TFAP2C: variants seen among roughly 807,000 people sequenced by gnomAD.
TFAP2C encodes transcription factor AP-2 gamma.
A neutral mutation model predicts 42.9 loss-of-function variants in TFAP2C; 9 were observed. The observed-to-expected ratio is 0.21, with a 90% CI of 0.13 to 0.37. TFAP2C has a LOEUF of 0.37. TFAP2C is among the 10% of genes least tolerant of loss of function. The pLI is 1.00. For synonymous variants in TFAP2C, 264 were observed against 256.0 expected, an observed-to-expected ratio of 1.03 and a Z score of -0.30; for missense variants, 462 against 591.7, an observed-to-expected ratio of 0.78 and a Z score of 2.27.
At chr20:56,635,142 C>T (rs550945288) in intron 5 of TFAP2C, among the ~76,000 whole-genome samples, 11 of 152,212 alleles carry the variant, frequency 7.2e-5, no homozygotes, top group African/African-American at 2.6e-4. Flanking sequence ...TGGCAGAGTC[C>T]CTGCTTTACC....
chr20:56,629,611 G>A lies in TFAP2C; in HGVS notation c.48+19G>A, dbSNP rs753557164. The A allele has an allele frequency of 1.4e-6, 2 of 1,400,616 alleles. No individual in the cohort carries two copies. The highest frequency in any genetic ancestry group is 1.9e-5 in the South Asian group (1 of 53,834). The allele number at this position is 1,400,616 out of a possible 1,614,324, so 86.8% of individuals were successfully genotyped here. ...CTGCGAGGTGAGCTGGGGCTCCGGG[G>A]TGCAGCCCCGCCCCGCCGAGGACAG... On this transcript the variant is annotated intron_variant, in intron 1 of 6. Coordinates refer to ENST00000201031, the MANE Select transcript of TFAP2C (RefSeq NM_003222.4). The surrounding 1 kb of genome is among the most constrained non-coding windows in gnomAD (Gnocchi z 5.9).
At chr20:56,633,841 G>A (rs1048355355) in intron 4 of TFAP2C, among the ~76,000 whole-genome samples, 3 of 152,118 alleles carry the variant, frequency 2.0e-5, no homozygotes, top group African/African-American at 4.8e-5. Flanking sequence ...GAGCACCCTG[G>A]GTTTGTTCCC....
chr20:56,635,949 G>A (rs564685726), intron 5 of TFAP2C, among the ~76,000 whole-genome samples: 1 of 152,282 alleles, frequency 6.6e-6, no homozygotes, highest in Non-Finnish European at 1.5e-5. Flanking sequence ...AATGGCAAAA[G>A]TCTGTGTGTG....
At chr20:56,632,613 T>G (rs1987511969) in intron 3 of TFAP2C, among the ~76,000 whole-genome samples, 1 of 152,170 alleles carries the variant, frequency 6.6e-6, no homozygotes, top group Non-Finnish European at 1.5e-5. Flanking sequence ...CAGAAAAGAC[T>G]ACAAATTTTC....
At position 56,639,004 on chromosome 20, in the gene TFAP2C, A is replaced by G. The variant is rs150697977; in HGVS notation, c.*991A>G. 2 of 152,630 alleles carry G rather than the reference A, an allele frequency of 1.3e-5. No homozygotes were observed. The highest frequency in any genetic ancestry group is 6.5e-5 in the Admixed American group (1 of 15,268). The allele number at this position is 152,630 out of a possible 1,614,324, so 9.5% of individuals were successfully genotyped here. On this transcript the variant is annotated 3_prime_UTR_variant, in exon 7 of 7. Coordinates refer to ENST00000201031, the MANE Select transcript of TFAP2C (RefSeq NM_003222.4). Reference sequence around the variant, plus strand: ...ATGGTGATGGGGTAATCTATAACACATCATAAGGTTTTATTCATATATATA... The same window carrying G: ...ATGGTGATGGGGTAATCTATAACACGTCATAAGGTTTTATTCATATATATA...
At chr20:56,632,784 T>C (rs1987515557) in intron 3 of TFAP2C, among the ~76,000 whole-genome samples, 1 of 151,050 alleles carries the variant, frequency 6.6e-6, no homozygotes, top group Non-Finnish European at 1.5e-5. Flanking sequence ...TGAAAACAAA[T>C]GTTCTAATTA....
At chr20:56,633,075 A>C (rs369245697) in intron 3 of TFAP2C, among the ~76,000 whole-genome samples, 106 of 152,258 alleles carry the variant, frequency 7.0e-4, no homozygotes, top group African/African-American at 2.4e-3. Flanking sequence ...AATACAAAAA[A>C]TTAGCTGGAT....
chr20:56,638,056 A>C lies in TFAP2C; in HGVS notation c.*43A>C, dbSNP rs1195363065. The C allele has an allele frequency of 1.3e-6, 2 of 1,563,572 alleles. No homozygotes were observed. The highest frequency in any genetic ancestry group is 1.7e-6 in the Non-Finnish European group (2 of 1,151,660). On this transcript the variant is annotated 3_prime_UTR_variant, in exon 7 of 7. Transcript: ENST00000201031. ...GTTAGGAGAGTAGGGAAGGAACAGG[A>C]CTGCAAAAATCCTTCTCCACCGCAC... is the stretch of plus-strand genomic sequence containing the variant.
At chr20:56,636,826 A>G (rs1448670518) in intron 6 of TFAP2C, 72 bp downstream of exon 6, 85 of 1,514,498 alleles carry the variant, frequency 5.6e-5, no homozygotes, top group Non-Finnish European at 7.2e-5. Flanking sequence ...TTCCCCCTCC[A>G]CAGTCCCGAT....
chr20:56,632,358 G>A (rs1987508529), intron 3 of TFAP2C, among the ~76,000 whole-genome samples: 1 of 152,226 alleles, frequency 6.6e-6, no homozygotes, highest in Non-Finnish European at 1.5e-5. Context: ...AAAAGGAACA[G>A]AGCTTGGAAT....
chr20:56,629,934 G>T lies in TFAP2C; in HGVS notation c.48+342G>T, dbSNP rs943383922. Among the ~76,000 whole-genome samples the T allele has an allele frequency of 2.0e-5, 3 of 152,162 alleles. No individual in the cohort carries two copies. The highest frequency in any genetic ancestry group is 4.4e-5 in the Non-Finnish European group (3 of 68,022). On this transcript the variant is annotated intron_variant, in intron 1 of 6. Coordinates refer to ENST00000201031, the MANE Select transcript of TFAP2C (RefSeq NM_003222.4). The surrounding 1 kb of genome is among the most constrained non-coding windows in gnomAD (Gnocchi z 5.9). Reference sequence around the variant, plus strand: ...CTCAGACGTGGCTTTTACGCACGAAGTCTCTGTCCAAAGGGGTCAGATGAG... The same window carrying T: ...CTCAGACGTGGCTTTTACGCACGAATTCTCTGTCCAAAGGGGTCAGATGAG...
chr20:56,631,557 G>A lies in TFAP2C; in HGVS notation c.401G>A (p.Gly134Asp). Residue 134 changes from glycine to aspartate, a missense_variant, in exon 2 of 7, where the codon GGC (glycine) becomes GAC (aspartate). Around this residue, in one of 5 missense-constraint regions of TFAP2C, gnomAD observed 271 missense variants for 269.7 expected, o/e 1.00. Coordinates refer to ENST00000201031, the MANE Select transcript of TFAP2C (RefSeq NM_003222.4). The surrounding 1 kb of genome is among the most constrained non-coding windows in gnomAD (Gnocchi z 6.1). Reference protein sequence around the residue: ...LLPHLSGLEAGAVSARRDAYR... With the variant: ...LLPHLSGLEADAVSARRDAYR... ...CCCCACCTCTCCGGGCTGGAGGCGG[G>A]CGCGGTGAGCGCCCGCAGGGATGCC... 3 of 1,530,590 alleles carry A rather than the reference G, an allele frequency of 2.0e-6. No homozygotes were observed. The highest frequency in any genetic ancestry group is 2.6e-6 in the Non-Finnish European group (3 of 1,145,480). 94.8% of individuals were successfully genotyped at this position (1,530,590 alleles called of 1,614,324 possible).
chr20:56,630,821 C>G lies in TFAP2C; in HGVS notation c.49-384C>G. The G allele has an allele frequency of 2.0e-6, 2 of 985,436 alleles. No individual in the cohort carries two copies. Among genetic ancestry groups the G allele is most frequent in the Non-Finnish European group, 2.4e-6 (2 of 829,918 alleles). The allele number at this position is 985,436 out of a possible 1,614,324, so 61.0% of individuals were successfully genotyped here. A position where few individuals can be genotyped will look rare whatever the true frequency, so the allele number is the denominator to read the frequency against. Reference sequence around the variant, plus strand: ...CGGGCTCCACGAGATAGCTCTGCACCGGGCGTCCGGCTCCTTCGCCCCGGG... The same window carrying G: ...CGGGCTCCACGAGATAGCTCTGCACGGGGCGTCCGGCTCCTTCGCCCCGGG... On this transcript the variant is annotated intron_variant, in intron 1 of 6. Coordinates refer to ENST00000201031, the MANE Select transcript of TFAP2C (RefSeq NM_003222.4). This position sits in a 1 kb window ranked among gnomAD's most constrained non-coding sequence, Gnocchi z 5.1.
In TFAP2C at chr20:56,633,547, T is replaced by C. The variant is rs1474043038; in HGVS notation, c.781T>C (p.Leu261=). Residue 261 remains leucine, a synonymous_variant, in exon 4 of 7, where the codon TTA becomes CTA. Transcript: ENST00000201031. ...LSPPECLNAS[L]LGGVLRRAKS... ...CCCACCTGAATGCTTAAATGCCTCGTTACTGGGAGGTGTTCTCAGAAGGTA... is the reference window on the plus strand; with the variant it reads ...CCCACCTGAATGCTTAAATGCCTCGCTACTGGGAGGTGTTCTCAGAAGGTA... The C allele has an allele frequency of 1.9e-6, 3 of 1,613,970 alleles. No homozygotes were observed. In the African/African-American group the frequency reaches 4.0e-5, roughly 22 times the overall value.
chr20:56,636,247 AAG>A (rs1316466236), intron 5 of TFAP2C, among the ~76,000 whole-genome samples: 3 of 152,178 alleles, frequency 2.0e-5, no homozygotes, highest in East Asian at 1.9e-4. Context: ...TACTACTAGA[AAG>A]AGAGAAAATG....
rs775376096 is a variant in TFAP2C, at chr20:56,631,567, C to A, written c.411C>A (p.Ser137Arg). The A allele has an allele frequency of 2.6e-6, 4 of 1,532,078 alleles. No homozygotes were observed. The highest frequency in any genetic ancestry group is 8.7e-7 in the Non-Finnish European group (1 of 1,146,314). The allele number at this position is 1,532,078 out of a possible 1,614,324, so 94.9% of individuals were successfully genotyped here. A position where few individuals can be genotyped will look rare whatever the true frequency, so the allele number is the denominator to read the frequency against. Reference protein sequence around the residue: ...HLSGLEAGAVSARRDAYRRSD... With the variant: ...HLSGLEAGAVRARRDAYRRSD... ...CCGGGCTGGAGGCGGGCGCGGTGAGCGCCCGCAGGGATGCCTACCGCCGCT... is the reference window on the plus strand; with the variant it reads ...CCGGGCTGGAGGCGGGCGCGGTGAGAGCCCGCAGGGATGCCTACCGCCGCT... Residue 137 changes from serine (S) to arginine (R), a missense_variant, in exon 2 of 7, where the codon AGC becomes AGA. This residue lies in a region of TFAP2C where 271 missense variants were observed against 269.7 expected (regional missense o/e 1.00). Coordinates refer to ENST00000201031, the MANE Select transcript of TFAP2C (RefSeq NM_003222.4). This position sits in a 1 kb window ranked among gnomAD's most constrained non-coding sequence, Gnocchi z 6.1.
Position 56,629,502 on chromosome 20 carries a change from T to A in TFAP2C, c.-43T>A. The A allele has an allele frequency of 7.2e-7, 1 of 1,382,134 alleles. No individual in the cohort carries two copies. Among genetic ancestry groups the A allele is most frequent in the Non-Finnish European group, 9.4e-7 (1 of 1,062,546 alleles). The allele number at this position is 1,382,134 out of a possible 1,614,324, so 85.6% of individuals were successfully genotyped here. ...ATTTACCGCTTGGGGGCTGGGGGGA[T>A]CCTGGATTTAACTGGCGACTGTTTT... On this transcript the variant is annotated 5_prime_UTR_variant, in exon 1 of 7. Transcript: ENST00000201031. This position sits in a 1 kb window ranked among gnomAD's most constrained non-coding sequence, Gnocchi z 5.9.
chr20:56,630,309 G>C lies in TFAP2C; in HGVS notation c.48+717G>C. ...GTTCACTGCGCCTCCGGGCCCTGGAGGGCTGCCCCTGCCCGCAGGCCCGGG... is the reference window on the plus strand; with the variant it reads ...GTTCACTGCGCCTCCGGGCCCTGGACGGCTGCCCCTGCCCGCAGGCCCGGG... On this transcript the variant is annotated intron_variant, in intron 1 of 6. Coordinates refer to ENST00000201031, the MANE Select transcript of TFAP2C (RefSeq NM_003222.4). The surrounding 1 kb of genome is among the most constrained non-coding windows in gnomAD (Gnocchi z 5.1). 1 of 404,344 alleles carries C rather than the reference G, an allele frequency of 2.5e-6. No homozygotes were observed. 25.0% of individuals were successfully genotyped at this position (404,344 alleles called of 1,614,324 possible).
chr20:56,637,973 C>T lies in TFAP2C; in HGVS notation c.1313C>T (p.Ser438Phe), dbSNP rs1454624343. 6.2e-7 allele frequency: 1 copy of T among 1,613,928 alleles called. No homozygotes were observed. The highest frequency in any genetic ancestry group is 8.5e-7 in the Non-Finnish European group (1 of 1,179,892). ...MNPGDQSPAD[S>F]NKTLEKMEKH... is the part of the protein sequence containing the mutation. ...CCTGGAGACCAGAGTCCAGCTGATT[C>T]TAACAAAACCCTGGAGAAAATGGAG... Residue 438 changes from serine (S) to phenylalanine (F), a missense_variant, in exon 7 of 7, where the codon TCT (serine) becomes TTT (phenylalanine). Physicochemically the swap from Ser to Phe is radical, Grantham distance 155. This residue lies in a region of TFAP2C where 130 missense variants were observed against 160.8 expected (regional missense o/e 0.81). Transcript: ENST00000201031.
Sources: allele counts gnomAD v4.1 joint callset (sites outside exome capture counted in the v4.1 genomes callset), GRCh38; gene constraint gnomAD v4.1.1; regional missense constraint gnomAD v4.1.1; non-coding constraint Gnocchi (gnomAD v3.1); transcripts MANE v1.5; gene names NCBI Gene and HGNC (gene_info 2026-07-23, HGNC 2026-07-21).